The following PLA2R1 variants were observed in gnomAD, a reference collection of about 807,000 sequenced individuals.
PLA2R1 encodes secretory phospholipase A2 receptor.
Under a neutral mutation model 195.9 loss-of-function variants are expected in PLA2R1, and 158 were observed. The ratio of observed to expected loss-of-function variants is 0.81; its 90% confidence interval spans 0.71 to 0.92. PLA2R1 has a LOEUF of 0.92. Ranked by LOEUF, PLA2R1 falls within the 40% of genes least tolerant of loss-of-function variation. The pLI, the probability that PLA2R1 is intolerant of heterozygous loss-of-function variation, is 0.00. For synonymous variants in PLA2R1, 586 were observed against 598.2 expected (o/e 0.98, Z 0.30); for missense variants, 1,626 against 1,764.6 (o/e 0.92, Z 1.41).
At chr2:160,037,233 AG>A (rs764293225) in intron 3 of PLA2R1, among the ~76,000 whole-genome samples, 1 of 152,252 alleles carries the variant, frequency 6.6e-6, no homozygotes, top group Non-Finnish European at 1.5e-5. Context: ...TAATAGAGCC[AG>A]AGTAATCCTT....
At chr2:160,053,349 G>A (rs1000317917) in intron 1 of PLA2R1, among the ~76,000 whole-genome samples, 3 of 8,532 alleles carry the variant, frequency 3.5e-4, no homozygotes, top group African/African-American at 1.1e-3. Flanking sequence ...CGAATTTGGT[G>A]GGGGGGGGGG....
At chr2:160,051,575 G>C (rs1240624290) in intron 1 of PLA2R1, among the ~76,000 whole-genome samples, 1 of 152,202 alleles carries the variant, frequency 6.6e-6, no homozygotes, top group African/African-American at 2.4e-5. Flanking sequence ...ACAAATTTGG[G>C]TTTGTCTTTA....
In PLA2R1 at chr2:160,020,513, G is replaced by A. The variant is rs936084147; in HGVS notation, c.1295-250C>T. On this transcript the variant is annotated intron_variant, in intron 7 of 29. Transcript: ENST00000283243. ...TCCCCAGTGTGGTAGTATTGAGAAG[G>A]AGGCCTCTAAGGGGTGAATGGGTCA... Among the ~76,000 whole-genome samples, 3 of 152,146 alleles carry A rather than the reference G, an allele frequency of 2.0e-5. No homozygotes were observed. In the East Asian group the frequency reaches 5.8e-4, roughly 29 times the overall value.
At chr2:159,925,199 A>C in the PLA2R1 span, among the ~76,000 whole-genome samples, 35 of 151,168 alleles carry the variant, frequency 2.3e-4, no homozygotes, top group Admixed American at 2.2e-3. Flanking sequence ...AAAAAAAAAC[A>C]AACAAACAAT....
chr2:159,984,088 A>G lies in PLA2R1; in HGVS notation c.2038-15T>C. 4 of 1,261,576 alleles carry G rather than the reference A, an allele frequency of 3.2e-6. No homozygotes were observed. The highest frequency in any genetic ancestry group is 4.5e-6 in the Non-Finnish European group (4 of 882,284). The allele number at this position is 1,261,576 out of a possible 1,614,324, so 78.1% of individuals were successfully genotyped here. A position where few individuals can be genotyped will look rare whatever the true frequency, so the allele number is the denominator to read the frequency against. On this transcript the variant is annotated splice_polypyrimidine_tract_variant and intron_variant, in intron 12 of 29. Transcript: ENST00000283243. ...CTATGAAATACCTGTATAGTAAAAG[A>G]AAATAAATTAACATTGTTATAGATA... is the stretch of plus-strand genomic sequence containing the variant.
Position 159,980,936 on chromosome 2 carries a change from C to T in PLA2R1, c.2184-1022G>A, listed in dbSNP as rs376748398. 1.1e-3 allele frequency among the ~76,000 whole-genome samples: 165 copies of T among 152,176 alleles called. 1 individual carries two copies. In the South Asian group the frequency reaches 0.032, roughly 29 times the overall value. ...AGAAATCCAAGAGATCACTGATGCCCGGTTGGACATTGTCATGATGATACT... is the reference window on the plus strand; with the variant it reads ...AGAAATCCAAGAGATCACTGATGCCTGGTTGGACATTGTCATGATGATACT... On this transcript the variant is annotated intron_variant, in intron 13 of 29. Coordinates refer to ENST00000283243, the MANE Select transcript of PLA2R1 (RefSeq NM_007366.5).
At position 160,062,300 on chromosome 2, in the gene PLA2R1, C is replaced by A; in HGVS notation, c.104G>T (p.Trp35Leu). 6.7e-7 allele frequency: 1 copy of A among 1,497,172 alleles called. No homozygotes were observed. The highest frequency in any genetic ancestry group is 1.5e-5 in the African/African-American group (1 of 68,414). The allele number at this position is 1,497,172 out of a possible 1,614,324, so 92.7% of individuals were successfully genotyped here. A position where few individuals can be genotyped will look rare whatever the true frequency, so the allele number is the denominator to read the frequency against. ...AALTPERLLE[W>L]QDKGIFVIQS... ...CCCGACCCTGGGAGACTCACCCTGC[C>A]ACTCCAGGAGCCGCTCGGGGGTAAG... Residue 35 changes from tryptophan to leucine, a missense_variant, in exon 1 of 30, where the codon TGG (tryptophan) becomes TTG (leucine). Transcript: ENST00000283243.
chr2:160,011,074 A>G (rs780892599), intron 10 of PLA2R1, among the ~76,000 whole-genome samples: 6 of 152,216 alleles, frequency 3.9e-5, no homozygotes, highest in Non-Finnish European at 7.3e-5. Flanking sequence ...AGCGCTGGCT[A>G]CTGAATACAG....
At position 159,941,789 on chromosome 2, in the gene PLA2R1, T is replaced by G; in HGVS notation, c.4381A>C (p.Ser1461Arg). Residue 1461 changes from serine (S) to arginine (R), a missense_variant, in exon 30 of 30, where the codon AGT becomes CGT. By Grantham distance (110) the Ser-to-Arg change is moderately radical (BLOSUM62 -1). Coordinates refer to ENST00000283243, the MANE Select transcript of PLA2R1 (RefSeq NM_007366.5). ...CTCTGACCTCATTATTATTGGTCAC[T>G]CTTCTCAAGATCAGAAATGAGAATA... ...ENILISDLEK[S>R]DQ 1 of 1,581,174 alleles carries G rather than the reference T, an allele frequency of 6.3e-7. No individual in the cohort carries two copies. The highest frequency in any genetic ancestry group is 1.7e-5 in the Admixed American group (1 of 59,818).
At chr2:160,001,824 C>T (rs142542910) in intron 11 of PLA2R1, among the ~76,000 whole-genome samples, 36 of 151,814 alleles carry the variant, frequency 2.4e-4, no homozygotes, top group African/African-American at 7.0e-4. Flanking sequence ...TACAAAAATT[C>T]GACAGAACTA....
chr2:160,001,976 C>T (rs1024288510), intron 11 of PLA2R1, among the ~76,000 whole-genome samples: 1 of 150,858 alleles, frequency 6.6e-6, no homozygotes, highest in Non-Finnish European at 1.5e-5. Flanking sequence ...ATAGATGAAG[C>T]ATTTCAGGTA....
chr2:160,029,078 T>C lies in PLA2R1; in HGVS notation c.842-115A>G, dbSNP rs147380313. 4.5e-4 allele frequency: 299 copies of C among 662,320 alleles called. 1 individual carries two copies. The African/African-American group carries it at 4.7e-3, about 11-fold the overall frequency. The allele number at this position is 662,320 out of a possible 1,614,324, so 41.0% of individuals were successfully genotyped here. A position where few individuals can be genotyped will look rare whatever the true frequency, so the allele number is the denominator to read the frequency against. Reference sequence around the variant, plus strand: ...TAATTCCAGTCAATGACGGGAAAGGTGCACAGAATGCACGTGGTGCTTCTG... The same window carrying C: ...TAATTCCAGTCAATGACGGGAAAGGCGCACAGAATGCACGTGGTGCTTCTG... On this transcript the variant is annotated intron_variant, in intron 4 of 29. Transcript: ENST00000283243.
intron 11 of PLA2R1, among the ~76,000 whole-genome samples, chr2:159,994,738 T>C (rs561133024): frequency 7.4e-4 from 112 of 152,178 alleles, no homozygotes; most frequent in African/African-American, 2.5e-3. Context: ...GTTCTACTAC[T>C]GGTAGATACC....
chr2:160,008,598 C>T (rs1312143845), intron 10 of PLA2R1, among the ~76,000 whole-genome samples: 3 of 152,080 alleles, frequency 2.0e-5, no homozygotes, highest in African/African-American at 7.2e-5. Flanking sequence ...AAAACTCTTA[C>T]AAGGAAACAC....
Position 159,987,425 on chromosome 2 carries a change from C to CT in PLA2R1, c.1835-68dup, listed in dbSNP as rs1690432715. ...AACGTTTTGTGCTCAGAAGACTGCT[C>CT]TTTAGAGTGTTGAATAATTGACATC... On this transcript the variant is annotated intron_variant, in intron 11 of 29. Transcript: ENST00000283243. The CT allele has an allele frequency of 5.4e-6, 6 of 1,105,462 alleles. No homozygotes were observed. In the South Asian group the frequency reaches 8.3e-5, roughly 15 times the overall value. The allele number at this position is 1,105,462 out of a possible 1,614,324, so 68.5% of individuals were successfully genotyped here.
intron 1 of PLA2R1, among the ~76,000 whole-genome samples, chr2:160,049,441 G>C (rs1695086098): frequency 6.6e-6 from 1 of 152,212 alleles, no homozygotes; most frequent in African/African-American, 2.4e-5. Context: ...TAGAGATAGA[G>C]AGAAATTATT....
At chr2:159,955,539 A>G (rs1255496814) in intron 22 of PLA2R1, among the ~76,000 whole-genome samples, 159 bp downstream of exon 22, 1 of 151,762 alleles carries the variant, frequency 6.6e-6, no homozygotes, top group Non-Finnish European at 1.5e-5. Context: ...AATTATATTA[A>G]TGGAACACAT....
chr2:160,038,789 C>T (rs995394365), intron 3 of PLA2R1, among the ~76,000 whole-genome samples: 1 of 152,010 alleles, frequency 6.6e-6, no homozygotes, highest in Admixed American at 6.6e-5. Flanking sequence ...CATTGCTGAG[C>T]CATGTTGAGG....
chr2:159,924,442 G>A, the PLA2R1 span, among the ~76,000 whole-genome samples: 2 of 152,304 alleles, frequency 1.3e-5, no homozygotes, highest in East Asian at 1.9e-4. Flanking sequence ...CTCATTGGTG[G>A]AGCCTATGTC....
Sources: allele counts gnomAD v4.1 joint callset (sites outside exome capture counted in the v4.1 genomes callset), GRCh38; gene constraint gnomAD v4.1.1; transcripts MANE v1.5; gene names NCBI Gene and HGNC (gene_info 2026-07-23, HGNC 2026-07-21).